The following CFAP99 variants were observed in gnomAD, a reference collection of about 807,000 sequenced individuals.
CFAP99 encodes the protein cilia- and flagella-associated protein 99.
In CFAP99, 84 loss-of-function variants were observed where a neutral mutation model predicts 82.7. The ratio of observed to expected loss-of-function variants is 1.02; its 90% confidence interval spans 0.85 to 1.22. The LOEUF (loss-of-function observed/expected upper bound fraction) is 1.22. Ranked by LOEUF, CFAP99 falls within the 50% of genes most tolerant of loss-of-function variation. CFAP99 has a pLI of 0.00. For missense variants in CFAP99, 1,059 were observed against 983.5 expected, an observed-to-expected ratio of 1.08 and a Z score of -1.03; for synonymous variants, 456 against 429.5, an observed-to-expected ratio of 1.06 and a Z score of -0.76.
At chr4:2,423,027 G>A (rs772587862) in intron 1 of CFAP99, among the ~76,000 whole-genome samples, 4 of 152,196 alleles carry the variant, frequency 2.6e-5, no homozygotes, top group Non-Finnish European at 5.9e-5. Context: ...TTTAAAAAAC[G>A]TCTCAGTGTG....
Position 2,462,148 on chromosome 4 carries a change from C to A in CFAP99, c.1662-295C>A, listed in dbSNP as rs747214726. On this transcript the variant is annotated intron_variant, in intron 14 of 14. Transcript: ENST00000635017. The surrounding 1 kb of genome is among the most constrained non-coding windows in gnomAD (Gnocchi z 4.1). ...CTCCAGCCTGGGCGACAGAGTGAGA[C>A]CCTGCCTCAAACAAACAAACAAACA... is the stretch of plus-strand genomic sequence containing the variant. The A allele has an allele frequency of 5.6e-5, 14 of 251,406 alleles. No individual in the cohort carries two copies. Among genetic ancestry groups the A allele is most frequent in the Non-Finnish European group, 7.5e-5 (10 of 133,190 alleles). The allele number at this position is 251,406 out of a possible 1,614,324, so 15.6% of individuals were successfully genotyped here. A position where few individuals can be genotyped will look rare whatever the true frequency, so the allele number is the denominator to read the frequency against.
intron 4 of CFAP99, among the ~76,000 whole-genome samples, chr4:2,438,470 C>G (rs1019146779): frequency 5.3e-5 from 8 of 152,056 alleles, no homozygotes; most frequent in Non-Finnish European, 1.2e-4. Context: ...CACCATGTTA[C>G]CCAGGATGGT....
intron 1 of CFAP99, among the ~76,000 whole-genome samples, chr4:2,423,541 T>C (rs531404745): frequency 6.6e-6 from 1 of 151,716 alleles, no homozygotes; most frequent in Non-Finnish European, 1.5e-5. Context: ...TGGGGTGGGG[T>C]GTGGGTGGTC....
chr4:2,459,548 A>AG (rs1269352763), intron 13 of CFAP99, among the ~76,000 whole-genome samples: 2 of 152,136 alleles, frequency 1.3e-5, no homozygotes, highest in Non-Finnish European at 2.9e-5. Context: ...CTGTTGAGGG[A>AG]GGGCCAGGGT....
chr4:2,459,975 T>C lies in CFAP99; in HGVS notation c.1456-62T>C, dbSNP rs1734576487. 10 of 1,458,632 alleles carry C rather than the reference T, an allele frequency of 6.9e-6. No homozygotes were observed. The South Asian group carries it at 1.2e-4, about 18-fold the overall frequency. The allele number at this position is 1,458,632 out of a possible 1,614,324, so 90.4% of individuals were successfully genotyped here. ...GGCCTATGGAACAGGGGAGGGATCCTGGTGGGAAGCATCGGGGCCCAGCAC... is the reference window on the plus strand; with the variant it reads ...GGCCTATGGAACAGGGGAGGGATCCCGGTGGGAAGCATCGGGGCCCAGCAC... On this transcript the variant is annotated intron_variant, in intron 13 of 14. Coordinates refer to ENST00000635017, the Ensembl canonical transcript of CFAP99.
At chr4:2,453,614 T>C (rs1314090016) in intron 11 of CFAP99, among the ~76,000 whole-genome samples, 1 of 151,738 alleles carries the variant, frequency 6.6e-6, no homozygotes, top group African/African-American at 2.4e-5. Flanking sequence ...GCATCTCATT[T>C]ATTTATCAGT....
chr4:2,438,801 A>G (rs1733976002), intron 4 of CFAP99, among the ~76,000 whole-genome samples: 1 of 152,056 alleles, frequency 6.6e-6, no homozygotes, highest in Non-Finnish European at 1.5e-5. Flanking sequence ...CAACAACAAA[A>G]AACCCAATGC....
At chr4:2,428,542 C>G (rs950061709) in intron 2 of CFAP99, 1 of 152,234 alleles carries the variant, frequency 6.6e-6, no homozygotes, top group Non-Finnish European at 1.5e-5. Context: ...CCCCTCCACC[C>G]ACAGCGCCAG....
rs1222145787 is a variant in CFAP99 at position 2,451,341 on chromosome 4, G to GGAGCTGCAGAGGTGAA, written c.947_956+6dup. The GGAGCTGCAGAGGTGAA allele has an allele frequency of 2.6e-6, 4 of 1,535,574 alleles. No individual in the cohort carries two copies. Among genetic ancestry groups the GGAGCTGCAGAGGTGAA allele is most frequent in the Non-Finnish European group, 3.5e-6 (4 of 1,146,826 alleles). ...CCTTGTACCAGCGGCAGGTGGAGCA[G>GGAGCTGCAGAGGTGAA]GAGCTGCAGAGGTGAAGGGCGGCAG... is the stretch of plus-strand genomic sequence containing the variant. On this transcript the variant is annotated stop_gained and frameshift_variant, in exon 10 of 15. Coordinates refer to ENST00000635017, the Ensembl canonical transcript of CFAP99. LOFTEE classifies it high-confidence loss of function.
At chr4:2,443,970 C>T (rs1487666364) in intron 5 of CFAP99, among the ~76,000 whole-genome samples, 1 of 152,152 alleles carries the variant, frequency 6.6e-6, no homozygotes. Context: ...CTTTTTCTTC[C>T]TAAGGACAGA....
At position 2,448,077 on chromosome 4, in the gene CFAP99, ATGGATGGG is replaced by A. The variant is rs1452659507; in HGVS notation, c.643-1589_643-1582del. 4.6e-5 allele frequency among the ~76,000 whole-genome samples: 7 copies of A among 151,588 alleles called. No homozygotes were observed. The highest frequency in any genetic ancestry group is 1.3e-4 in the Admixed American group (2 of 15,240). On this transcript the variant is annotated intron_variant, in intron 6 of 14. Coordinates refer to ENST00000635017, the Ensembl canonical transcript of CFAP99. The surrounding 1 kb of genome is among the most constrained non-coding windows in gnomAD (Gnocchi z 5.2). The stretch of plus-strand genomic sequence containing the variant: ...GATGGATAGATGGATAGACAAATGG[ATGGATGGG>A]TGGGTGAGTGGGTGGATGATCAGAT...
chr4:2,440,024 T>G (rs911391379), intron 4 of CFAP99, among the ~76,000 whole-genome samples: 1 of 151,836 alleles, frequency 6.6e-6, no homozygotes, highest in African/African-American at 2.4e-5. Context: ...TGTATTTTAG[T>G]AGAGACAGGG....
intron 5 of CFAP99, among the ~76,000 whole-genome samples, chr4:2,443,444 C>T (rs973840493): frequency 2.0e-5 from 3 of 152,240 alleles, no homozygotes; most frequent in Admixed American, 1.3e-4. Context: ...GAGGAAAAGA[C>T]GTGGTCCAAC....
intron 1 of CFAP99, among the ~76,000 whole-genome samples, chr4:2,422,278 C>A (rs529642902): frequency 4.3e-4 from 65 of 152,312 alleles, no homozygotes; most frequent in African/African-American, 1.5e-3. Flanking sequence ...AGAGGCCCCG[C>A]CCCAGGGACC....
intron 2 of CFAP99, among the ~76,000 whole-genome samples, chr4:2,435,937 G>A (rs1049024418): frequency 9.3e-5 from 14 of 150,948 alleles, no homozygotes; most frequent in Non-Finnish European, 2.1e-4. Flanking sequence ...TCAGGAGGCC[G>A]AGGTGGGGAG....
exon 6 of CFAP99, chr4:2,445,233 A>C: frequency 4.1e-6 from 6 of 1,452,922 alleles, no homozygotes; most frequent in Non-Finnish European, 5.4e-6. Context: ...AGCCCAAGGA[A>C]TTCAACCTGA....
intron 3 of CFAP99, 70 bp downstream of exon 3, chr4:2,437,088 T>A (rs1733932753): frequency 4.0e-6 from 6 of 1,518,026 alleles, no homozygotes; most frequent in Non-Finnish European, 5.3e-6. Flanking sequence ...CGGAAAGGCC[T>A]GGCAGGCAGG....
intron 14 of CFAP99, among the ~76,000 whole-genome samples, chr4:2,461,587 C>G (rs1734622312): frequency 6.6e-6 from 1 of 152,184 alleles, no homozygotes; most frequent in South Asian, 2.1e-4. Flanking sequence ...TGGCAGAGCT[C>G]AGACGCAGCC....
At chr4:2,443,495 T>C in intron 5 of CFAP99, among the ~76,000 whole-genome samples, 1 of 152,236 alleles carries the variant, frequency 6.6e-6, no homozygotes, top group East Asian at 1.9e-4. Context: ...GCCAGTCAGC[T>C]GACACGTGGC....
Sources: allele counts gnomAD v4.1 joint callset (sites outside exome capture counted in the v4.1 genomes callset), GRCh38; gene constraint gnomAD v4.1.1; non-coding constraint Gnocchi (gnomAD v3.1); transcripts MANE v1.5; gene names NCBI Gene and HGNC (gene_info 2026-07-23, HGNC 2026-07-21).